The following BMP2K variants were observed in gnomAD, a reference collection of about 807,000 sequenced individuals.
BMP2K encodes the protein BMP-2-inducible protein kinase.
Under a neutral mutation model 116.0 loss-of-function variants are expected in BMP2K, and 74 were observed. The observed-to-expected ratio is 0.64, with a 90% CI of 0.53 to 0.77. The LOEUF is 0.77. Among genes scored for constraint, BMP2K ranks in the 30% least tolerant of loss-of-function variants. The pLI is 0.00. For missense variants in BMP2K, 1,365 were observed against 1,403.6 expected (o/e 0.97, Z 0.44); for synonymous variants, 486 against 502.5 (o/e 0.97, Z 0.44).
intron 1 of BMP2K, among the ~76,000 whole-genome samples, chr4:78,811,867 C>T (rs1299010770): frequency 1.3e-5 from 2 of 152,220 alleles, no homozygotes; most frequent in East Asian, 3.8e-4. Flanking sequence ...AACTCTCTCT[C>T]TTCATTTAAC....
At chr4:78,871,160 T>C in intron 11 of BMP2K, 100 bp downstream of exon 11, 27 of 1,524,272 alleles carry the variant, frequency 1.8e-5, no homozygotes, top group Non-Finnish European at 2.3e-5. Flanking sequence ...CCTTGAACTC[T>C]AGATTTGAGT....
In BMP2K at chr4:78,777,551, T is replaced by C. The variant is rs149039390; in HGVS notation, c.178+830T>C. Among the ~76,000 whole-genome samples the C allele has an allele frequency of 1.6e-4, 25 of 152,374 alleles. No homozygotes were observed. In the East Asian group the frequency reaches 4.6e-3, roughly 28 times the overall value. ...TTTTGTATTTCTGGCATAATTGCCT[T>C]GTAGAAAATACTTGCCCTGTGTGCT... On this transcript the variant is annotated intron_variant, in intron 1 of 15. Transcript: ENST00000502613.
At chr4:78,890,118 C>T (rs1260861877) in intron 15 of BMP2K, among the ~76,000 whole-genome samples, 1 of 151,662 alleles carries the variant, frequency 6.6e-6, no homozygotes, top group Non-Finnish European at 1.5e-5. Context: ...TAAATTGAAA[C>T]TTTATTAAAG....
chr4:78,885,857 G>C (rs544224303), intron 14 of BMP2K, among the ~76,000 whole-genome samples: 2 of 152,204 alleles, frequency 1.3e-5, no homozygotes, highest in Admixed American at 6.5e-5. Flanking sequence ...TATGTGGAGA[G>C]TTTTTTTGTT....
intron 1 of BMP2K, among the ~76,000 whole-genome samples, chr4:78,809,941 G>A (rs1318390395): frequency 6.6e-6 from 1 of 151,978 alleles, no homozygotes; most frequent in Non-Finnish European, 1.5e-5. Context: ...ATTTTTTGTT[G>A]AAAATTGTAC....
At chr4:78,859,102 C>T (rs1436237654) in intron 7 of BMP2K, 3 of 151,806 alleles carry the variant, frequency 2.0e-5, no homozygotes, top group African/African-American at 4.8e-5. Context: ...TTTTGGAAAA[C>T]GACAGTGCCA....
intron 1 of BMP2K, among the ~76,000 whole-genome samples, chr4:78,798,006 G>A (rs764582093): frequency 1.6e-4 from 24 of 152,116 alleles, no homozygotes; most frequent in Non-Finnish European, 3.2e-4. Context: ...GTAGCAATGG[G>A]GGGTCTCACT....
chr4:78,874,221 T>A (rs994675913), intron 13 of BMP2K, among the ~76,000 whole-genome samples: 1 of 152,146 alleles, frequency 6.6e-6, no homozygotes, highest in South Asian at 2.1e-4. Context: ...GATCAGTATT[T>A]GCCGAACTCT....
intron 1 of BMP2K, among the ~76,000 whole-genome samples, chr4:78,816,042 T>C (rs1198182577): frequency 6.6e-6 from 1 of 152,186 alleles, no homozygotes; most frequent in Admixed American, 6.6e-5. Flanking sequence ...CCTCACTCGC[T>C]CTAAAAAATG....
intron 7 of BMP2K, among the ~76,000 whole-genome samples, chr4:78,858,299 TA>T (rs1395870685): frequency 6.6e-6 from 1 of 151,964 alleles, no homozygotes; most frequent in African/African-American, 2.4e-5. Context: ...CAAGATAAAA[TA>T]AATTTTGTAG....
At position 78,826,129 on chromosome 4, in the gene BMP2K, G is replaced by C. The variant is rs760103775; in HGVS notation, c.271G>C (p.Val91Leu). Residue 91 changes from valine (V) to leucine (L), a missense_variant, in exon 2 of 16, where the codon GTT (valine) becomes CTT (leucine). Around this residue, in one of 3 missense-constraint regions of BMP2K, gnomAD observed 762 missense variants for 756.7 expected, o/e 1.01. Transcript: ENST00000502613. The part of the protein sequence containing the change: ...MYVNNMPDLN[V>L]CKREITIMKE... ...TGTCAATAACATGCCAGACCTCAAT[G>C]TTTGTAAAAGGGAAATTACAATTAT... The C allele has an allele frequency of 1.2e-5, 19 of 1,613,378 alleles. No homozygotes were observed. Among genetic ancestry groups the C allele is most frequent in the Non-Finnish European group, 1.6e-5 (19 of 1,179,374 alleles).
intron 1 of BMP2K, among the ~76,000 whole-genome samples, chr4:78,794,361 C>T (rs899721601): frequency 2.0e-5 from 3 of 152,090 alleles, no homozygotes; most frequent in East Asian, 1.9e-4. Flanking sequence ...TAAACGGACC[C>T]GAGAACCTCA....
intron 13 of BMP2K, 21 bp downstream of exon 13, chr4:78,872,819 A>G: frequency 6.2e-7 from 1 of 1,602,422 alleles, no homozygotes; most frequent in Non-Finnish European, 8.5e-7. Flanking sequence ...TTCCAGTGAA[A>G]GCAAAGGAAA....
chr4:78,812,364 AG>A lies in BMP2K; in HGVS notation c.179-13671del, dbSNP rs556600944. On this transcript the variant is annotated intron_variant, in intron 1 of 15. Coordinates refer to ENST00000502613, the MANE Select transcript of BMP2K (RefSeq NM_198892.2). ...GATCTTAAAAACTAAGCTACAAATA[AG>A]GATAATGCCCAAATACATATCTCTT... Among the ~76,000 whole-genome samples the A allele has an allele frequency of 2.0e-3, 311 of 152,336 alleles. 4 individuals carry two copies. The highest frequency in any genetic ancestry group is 0.018 in the Admixed American group (277 of 15,292).
At chr4:78,860,465 GTAA>G (rs1265454331) in intron 8 of BMP2K, among the ~76,000 whole-genome samples, 2 of 151,878 alleles carry the variant, frequency 1.3e-5, no homozygotes, top group Non-Finnish European at 2.9e-5. Context: ...AACAAGGATA[GTAA>G]TTATAAGGAT....
chr4:78,816,905 C>T (rs1250800943), intron 1 of BMP2K, among the ~76,000 whole-genome samples: 2 of 152,120 alleles, frequency 1.3e-5, no homozygotes, highest in Non-Finnish European at 2.9e-5. Context: ...AGCTTATGGT[C>T]TGGACAGGAA....
intron 15 of BMP2K, among the ~76,000 whole-genome samples, chr4:78,894,199 C>T (rs1439503298): frequency 6.6e-6 from 1 of 152,182 alleles, no homozygotes; most frequent in Non-Finnish European, 1.5e-5. Flanking sequence ...GCATTGGTTT[C>T]AACTTAAAGT....
intron 15 of BMP2K, among the ~76,000 whole-genome samples, chr4:78,890,405 C>T (rs1014621756): frequency 1.1e-5 from 1 of 91,704 alleles, no homozygotes. Context: ...CAATCATGCG[C>T]ACACACACAC....
chr4:78,908,858 T>C (rs1009264315), intron 15 of BMP2K, among the ~76,000 whole-genome samples: 1 of 152,072 alleles, frequency 6.6e-6, no homozygotes, highest in African/African-American at 2.4e-5. Flanking sequence ...CACATCAGGG[T>C]AAATGGGTTT....
Sources: allele counts gnomAD v4.1 joint callset (sites outside exome capture counted in the v4.1 genomes callset), GRCh38; gene constraint gnomAD v4.1.1; regional missense constraint gnomAD v4.1.1; transcripts MANE v1.5; gene names NCBI Gene and HGNC (gene_info 2026-07-23, HGNC 2026-07-21).